Variants in GPATCH2 observed in about 807,000 individuals in gnomAD.
GPATCH2 encodes G-patch domain containing 2.
A neutral mutation model predicts 58.0 loss-of-function variants in GPATCH2; 51 were observed. The observed-to-expected ratio is 0.88, with a 90% confidence interval of 0.70 to 1.11. GPATCH2 has a LOEUF of 1.11. Among genes scored for constraint, GPATCH2 ranks in the 50% most tolerant of loss-of-function variants. The pLI is 0.00. For missense variants in GPATCH2, 625 were observed against 652.2 expected (o/e 0.96, Z 0.45); for synonymous variants, 222 against 218.5 (o/e 1.02, Z -0.14).
In GPATCH2 at chr1:217,509,082, A is replaced by G. The variant is rs919452659; in HGVS notation, c.1166+5740T>C. 4.6e-5 allele frequency among the ~76,000 whole-genome samples: 7 copies of G among 152,268 alleles called. 1 individual carries two copies. The highest frequency in any genetic ancestry group is 6.8e-3 in the Middle Eastern group (2 of 294). ...CAGCCTGGAGTGGTGGCGCACGCCC[A>G]TAATCCCAGCACTTTGGGATGAGAA... is the stretch of plus-strand genomic sequence containing the variant. On this transcript the variant is annotated intron_variant, in intron 6 of 9. Transcript: ENST00000366935.
At chr1:217,528,790 G>A (rs1022534717) in intron 5 of GPATCH2, among the ~76,000 whole-genome samples, 4 of 152,224 alleles carry the variant, frequency 2.6e-5, no homozygotes, top group Admixed American at 6.5e-5. Flanking sequence ...CAAGGTCTGA[G>A]TGTGAGACAG....
Position 217,620,065 on chromosome 1 carries a change from A to T in GPATCH2, c.491T>A (p.Val164Glu). 6.2e-7 allele frequency: 1 copy of T among 1,613,838 alleles called. No individual in the cohort carries two copies. The highest frequency in any genetic ancestry group is 1.6e-4 in the Middle Eastern group (1 of 6,062). ...GNRTLRRRRK[V>E]KRMAVDLPQD... is the part of the protein sequence containing the mutation. ...TGGGAGATCTACTGCCATGCGTTTT[A>T]CCTTTCTCCTCCTGCGCAGAGTTCT... is the stretch of plus-strand genomic sequence containing the variant. The change falls in exon 2 of 10, where the codon GTA (valine) becomes GAA (glutamate). Residue 164 changes from valine to glutamate, a missense_variant. Transcript: ENST00000366935.
intron 6 of GPATCH2, among the ~76,000 whole-genome samples, chr1:217,511,856 G>A (rs6683674): frequency 0.015 from 2,317 of 151,890 alleles, 19 homozygotes; most frequent in Middle Eastern, 0.048. Context: ...TCTATACAGC[G>A]TTGCCTGTAT....
intron 5 of GPATCH2, among the ~76,000 whole-genome samples, chr1:217,530,872 A>T (rs1664152807): frequency 6.6e-6 from 1 of 152,172 alleles, no homozygotes; most frequent in Non-Finnish European, 1.5e-5. Flanking sequence ...TAAAACACAG[A>T]AGTATTTTAG....
chr1:217,598,513 C>T (rs1003252882), intron 5 of GPATCH2, among the ~76,000 whole-genome samples: 3 of 151,714 alleles, frequency 2.0e-5, no homozygotes, highest in Admixed American at 6.6e-5. Flanking sequence ...AGTGCAGTGG[C>T]GCAGTCTTGG....
chr1:217,523,824 T>TGGACGGGGTGGCTGGCC (rs1663626133), intron 5 of GPATCH2, among the ~76,000 whole-genome samples: 2 of 123,008 alleles, frequency 1.6e-5, no homozygotes, highest in Non-Finnish European at 3.4e-5. Context: ...ACCTCCCTCC[T>TGGACGGGGTGGCTGGCC]GGACGGGGTG....
chr1:217,497,046 T>C (rs527418375), intron 7 of GPATCH2, among the ~76,000 whole-genome samples: 23 of 152,314 alleles, frequency 1.5e-4, no homozygotes, highest in African/African-American at 4.6e-4. Context: ...GAATAAAGCT[T>C]GGCTGGAAGC....
At chr1:217,481,529 T>C (rs1002529827) in intron 8 of GPATCH2, among the ~76,000 whole-genome samples, 2 of 152,144 alleles carry the variant, frequency 1.3e-5, no homozygotes, top group Non-Finnish European at 2.9e-5. Context: ...TTCTAAACTA[T>C]GTATAAAAAT....
chr1:217,435,003 C>CA (rs943285956), intron 9 of GPATCH2, among the ~76,000 whole-genome samples: 1 of 151,340 alleles, frequency 6.6e-6, no homozygotes, highest in Non-Finnish European at 1.5e-5. Flanking sequence ...AAACACAACC[C>CA]AAAAAACAAA....
chr1:217,592,674 T>C (rs1667645006), intron 5 of GPATCH2, among the ~76,000 whole-genome samples: 1 of 151,910 alleles, frequency 6.6e-6, no homozygotes, highest in South Asian at 2.1e-4. Flanking sequence ...TCACTTAGGG[T>C]ACATTATAAA....
chr1:217,519,506 A>T (rs1436330524), intron 5 of GPATCH2, among the ~76,000 whole-genome samples: 3 of 152,216 alleles, frequency 2.0e-5, no homozygotes, highest in African/African-American at 7.2e-5. Flanking sequence ...TTTAAGAGGA[A>T]TAAAGAGGAA....
At position 217,498,356 on chromosome 1, in the gene GPATCH2, C is replaced by G. The variant is rs1174470646; in HGVS notation, c.1206G>C (p.Gln402His). 1 of 1,611,050 alleles carries G rather than the reference C, an allele frequency of 6.2e-7. No homozygotes were observed. Among genetic ancestry groups the G allele is most frequent in the African/African-American group, 1.3e-5 (1 of 74,872 alleles). The change falls in exon 7 of 10, where the codon CAG (glutamine) becomes CAC (histidine). Residue 402 changes from glutamine to histidine, a missense_variant and splice_region_variant. Transcript: ENST00000366935. ...FSPGARTEHD[Q>H]HQLLRDNRAE... The stretch of plus-strand genomic sequence containing the variant: ...CCTTTTGGATTACAATGGTCCTTAC[C>G]TGGTCATGCTCTGTCCTAGCCCCAG...
chr1:217,478,026 T>C (rs1454921389), intron 8 of GPATCH2, among the ~76,000 whole-genome samples: 1 of 152,152 alleles, frequency 6.6e-6, no homozygotes, highest in African/African-American at 2.4e-5. Context: ...TCCAGATAAT[T>C]CTCCCAGATC....
intron 8 of GPATCH2, among the ~76,000 whole-genome samples, chr1:217,454,379 G>A (rs1659825291): frequency 6.6e-6 from 1 of 151,872 alleles, no homozygotes; most frequent in African/African-American, 2.4e-5. Context: ...CACGAGGTCT[G>A]GAAATCGAGA....
At chr1:217,509,911 G>A (rs1662762259) in intron 6 of GPATCH2, among the ~76,000 whole-genome samples, 1 of 152,118 alleles carries the variant, frequency 6.6e-6, no homozygotes, top group Non-Finnish European at 1.5e-5. Flanking sequence ...GAAAAAATAA[G>A]AGAGATAGAG....
intron 5 of GPATCH2, among the ~76,000 whole-genome samples, chr1:217,519,018 G>C (rs1262073551): frequency 6.6e-6 from 1 of 152,186 alleles, no homozygotes; most frequent in Non-Finnish European, 1.5e-5. Context: ...TTATTAATTT[G>C]ACTCAACTTC....
rs576283760 is a variant in GPATCH2 at position 217,576,411 on chromosome 1, A to G, written c.1098+33910T>C. On this transcript the variant is annotated intron_variant, in intron 5 of 9. Coordinates refer to ENST00000366935, the MANE Select transcript of GPATCH2 (RefSeq NM_018040.5). ...AACAGTGATAGCAAAAAGAAAATGC[A>G]TAAGTGTTTTCCAATTTTGGTTGAA... 4.6e-5 allele frequency among the ~76,000 whole-genome samples: 7 copies of G among 152,342 alleles called. No homozygotes were observed. In the East Asian group the frequency reaches 5.8e-4, roughly 13 times the overall value.
chr1:217,566,769 T>C (rs967490393), intron 5 of GPATCH2, among the ~76,000 whole-genome samples: 4 of 152,194 alleles, frequency 2.6e-5, no homozygotes, highest in Non-Finnish European at 2.9e-5. Context: ...AAATATGCAG[T>C]TGAAATATTG....
chr1:217,610,855 C>G lies in GPATCH2; in HGVS notation c.1018+34G>C, dbSNP rs373138122. On this transcript the variant is annotated intron_variant, in intron 4 of 9. Coordinates refer to ENST00000366935, the MANE Select transcript of GPATCH2 (RefSeq NM_018040.5). The stretch of plus-strand genomic sequence containing the variant: ...GAATATTCCTAGACTGACCTTAAAC[C>G]CATTATATCTACCAGGGAGCCAGTG... 1.2e-4 allele frequency: 175 copies of G among 1,460,266 alleles called. 1 individual carries two copies. Among genetic ancestry groups the G allele is most frequent in the Non-Finnish European group, 1.5e-4 (156 of 1,047,604 alleles). 90.5% of individuals were successfully genotyped at this position (1,460,266 alleles called of 1,614,324 possible).
Sources: gnomAD v4.1 joint callset for allele counts (sites outside exome capture counted in the v4.1 genomes callset) on GRCh38, gnomAD v4.1.1 for gene constraint, MANE v1.5 for transcripts, NCBI Gene and HGNC (gene_info 2026-07-23, HGNC 2026-07-21) for gene names.